MICALL2: variants seen among roughly 807,000 people sequenced by gnomAD.
MICALL2 encodes MICAL like 2.
A neutral mutation model predicts 91.1 loss-of-function variants in MICALL2; 111 were observed. The ratio of observed to expected loss-of-function variants is 1.22; its 90% CI spans 1.04 to 1.43. The LOEUF (loss-of-function observed/expected upper bound fraction) is 1.43, where lower values mean the gene tolerates loss of function less well. Ranked by LOEUF, MICALL2 falls within the 40% of genes most tolerant of loss-of-function variation. The pLI is 0.00. For missense variants in MICALL2, 1,556 were observed against 1,236.0 expected, an observed-to-expected ratio of 1.26 and a Z score of -3.88; for synonymous variants, 694 against 525.3, an observed-to-expected ratio of 1.32 and a Z score of -4.39.
At chr7:1,438,071 G>A (rs917538494) in intron 12 of MICALL2, 26 bp downstream of exon 12, 3 of 1,569,712 alleles carry the variant, frequency 1.9e-6, no homozygotes, top group Non-Finnish European at 2.6e-6. Flanking sequence ...AGTCGGGCTG[G>A]CCCAGGGCCA....
At chr7:1,434,905 T>C (rs977743008) in intron 16 of MICALL2, 196 bp downstream of exon 16, 13 of 725,952 alleles carry the variant, frequency 1.8e-5, no homozygotes, top group South Asian at 5.4e-5. Context: ...CCTGGCTCTC[T>C]TAGGGGCGGG....
intron 5 of MICALL2, 190 bp downstream of exon 5, chr7:1,446,523 A>C: frequency 2.0e-6 from 1 of 488,138 alleles, no homozygotes; most frequent in African/African-American, 2.7e-5. Flanking sequence ...GAGAAGAGGG[A>C]GAAGGGGAGG....
At chr7:1,435,818 G>A (rs1445188830) in intron 15 of MICALL2, among the ~76,000 whole-genome samples, 2 of 152,224 alleles carry the variant, frequency 1.3e-5, no homozygotes, top group East Asian at 1.9e-4. Flanking sequence ...ACTTTGGGAG[G>A]CTGAGGCGGG....
intron 1 of MICALL2, among the ~76,000 whole-genome samples, chr7:1,457,515 G>A (rs1379629037): frequency 1.3e-5 from 2 of 152,230 alleles, no homozygotes; most frequent in African/African-American, 2.4e-5. Flanking sequence ...CCCTGCATCT[G>A]GAGGCTGAGG....
In MICALL2 at chr7:1,444,952, G is replaced by T; in HGVS notation, c.1118C>A (p.Pro373Gln). 6.6e-7 allele frequency: 1 copy of T among 1,510,858 alleles called. No homozygotes were observed. The highest frequency in any genetic ancestry group is 8.8e-7 in the Non-Finnish European group (1 of 1,130,722). The allele number at this position is 1,510,858 out of a possible 1,614,324, so 93.6% of individuals were successfully genotyped here. A position where few individuals can be genotyped will look rare whatever the true frequency, so the allele number is the denominator to read the frequency against. The change falls in exon 6 of 17, where the codon CCG (proline) becomes CAG (glutamine). Residue 373 changes from proline to glutamine, a missense_variant. Transcript: ENST00000297508. ...AVPPSAPDPR[P>Q]ATPQGGGAPR... Reference sequence around the variant, plus strand: ...GGCTCCCCCACCCTGGGGTGTGGCCGGGCGAGGGTCTGGGGCACTCGGGGG... The same window carrying T: ...GGCTCCCCCACCCTGGGGTGTGGCCTGGCGAGGGTCTGGGGCACTCGGGGG...
At chr7:1,443,548 C>A (rs924769052) in intron 6 of MICALL2, among the ~76,000 whole-genome samples, 1 of 152,216 alleles carries the variant, frequency 6.6e-6, no homozygotes, top group Non-Finnish European at 1.5e-5. Context: ...ACCATCTTGG[C>A]AGTTATGATC....
At chr7:1,438,531 T>TCCAGGC (rs1006839437) in intron 10 of MICALL2, 178 bp from the exon 11 acceptor site, 5 of 1,433,008 alleles carry the variant, frequency 3.5e-6, no homozygotes, top group Non-Finnish European at 4.6e-6. Flanking sequence ...CTGAGTGGCC[T>TCCAGGC]CCAGGCCCAG....
intron 1 of MICALL2, among the ~76,000 whole-genome samples, chr7:1,455,085 C>T (rs537387543): frequency 2.0e-5 from 3 of 152,356 alleles, no homozygotes; most frequent in South Asian, 2.1e-4. Flanking sequence ...TGTTCTCCCA[C>T]CTGCTGGACG....
At chr7:1,447,201 G>A (rs1223277684) in intron 4 of MICALL2, among the ~76,000 whole-genome samples, 2 of 152,148 alleles carry the variant, frequency 1.3e-5, no homozygotes, top group Admixed American at 1.3e-4. Context: ...TTTGCCCACC[G>A]CCTTCCACCC....
intron 6 of MICALL2, among the ~76,000 whole-genome samples, chr7:1,444,254 C>T (rs1459152045): frequency 1.4e-5 from 2 of 144,418 alleles, no homozygotes; most frequent in African/African-American, 2.7e-5. Flanking sequence ...GCGTGGGTCC[C>T]GCTCGCGGCC....
intron 13 of MICALL2, 127 bp downstream of exon 13, chr7:1,437,763 G>A (rs1780045601): frequency 4.9e-6 from 6 of 1,214,058 alleles, no homozygotes; most frequent in East Asian, 2.6e-5. Flanking sequence ...AGACCGCAAC[G>A]AGGTCCTGGA....
chr7:1,434,824 C>A, intron 16 of MICALL2, 152 bp from the exon 17 acceptor site: 1 of 837,404 alleles, frequency 1.2e-6, no homozygotes, highest in Non-Finnish European at 1.8e-6. Flanking sequence ...TGCCCTCCCA[C>A]GTGAGAACCT....
At chr7:1,459,089 TCCCCATC>T in intron 1 of MICALL2, 88 bp downstream of exon 1, 2 of 1,327,504 alleles carry the variant, frequency 1.5e-6, no homozygotes, top group Non-Finnish European at 2.1e-6. Flanking sequence ...ACGCCTCGGC[TCCCCATC>T]CCCCAGCCGC....
chr7:1,445,055 G>T lies in MICALL2; in HGVS notation c.1015C>A (p.Arg339Ser), dbSNP rs114247987. The T allele has an allele frequency of 1.9e-6, 3 of 1,546,912 alleles. No individual in the cohort carries two copies. The highest frequency in any genetic ancestry group is 2.6e-6 in the Non-Finnish European group (3 of 1,145,678). The part of the protein sequence containing the change: ...PTPTEGKVRP[R>S]VTNSSPMGWS... The stretch of plus-strand genomic sequence containing the variant: ...CCCATCGGGGAGCTATTGGTCACAC[G>T]AGGGCGGACTTTCCCCTCCGTGGGA... The change falls in exon 6 of 17, where the codon CGT becomes AGT. Residue 339 changes from arginine to serine, a missense_variant. Physicochemically the swap from Arg to Ser is moderately radical, Grantham distance 110. Coordinates refer to ENST00000297508, the MANE Select transcript of MICALL2 (RefSeq NM_182924.4).
Position 1,448,766 on chromosome 7 carries a change from G to A in MICALL2, c.193-5C>T, listed in dbSNP as rs1489059610. 8 of 1,612,396 alleles carry A rather than the reference G, an allele frequency of 5.0e-6. No homozygotes were observed. The highest frequency in any genetic ancestry group is 4.4e-5 in the South Asian group (4 of 91,050). On this transcript the variant is annotated splice_region_variant and splice_polypyrimidine_tract_variant and intron_variant, in intron 2 of 16. Transcript: ENST00000297508. ...CTCCTCGGCCACGCGGAAGGCCTGC[G>A]AAAGGTGGGAGGGGGTCAGCGGGGC...
At chr7:1,441,069 G>A (rs538047154) in intron 7 of MICALL2, 11 of 247,604 alleles carry the variant, frequency 4.4e-5, no homozygotes, top group Non-Finnish European at 5.7e-5. Context: ...GATCCAGCGC[G>A]TGGCTTTAAC....
Position 1,444,897 on chromosome 7 carries a change from G to C in MICALL2, c.1173C>G (p.Leu391=), listed in dbSNP as rs756850551. 2 of 1,572,820 alleles carry C rather than the reference G, an allele frequency of 1.3e-6. No individual in the cohort carries two copies. The highest frequency in any genetic ancestry group is 1.1e-5 in the South Asian group (1 of 87,426). ...TGGCTGCAGATGTGGAGCTTGAACT[G>C]AGTGTGGTTTGAGGAGCTGCCACTC... ...APRVAAPQTT[L]SSSSTSAATV... The change falls in exon 6 of 17, where the codon CTC becomes CTG. Residue 391 remains leucine (L), a synonymous_variant. Coordinates refer to ENST00000297508, the MANE Select transcript of MICALL2 (RefSeq NM_182924.4).
chr7:1,459,251 T>A lies in MICALL2; in HGVS notation c.76A>T (p.Met26Leu), dbSNP rs1781127066. ...EGYRDVNICN[M>L]TTSFRDGLAF... ...AGGCCGTCGCGGAACGACGTGGTCA[T>A]GTTGCAGATATTCACGTCGCGGTAG... Residue 26 changes from methionine to leucine, a missense_variant, in exon 1 of 17, where the codon ATG (methionine) becomes TTG (leucine). Met to Leu is a conservative substitution (Grantham distance 15, BLOSUM62 2). Coordinates refer to ENST00000297508, the MANE Select transcript of MICALL2 (RefSeq NM_182924.4). 1 of 1,610,962 alleles carries A rather than the reference T, an allele frequency of 6.2e-7. No homozygotes were observed. The highest frequency in any genetic ancestry group is 2.2e-5 in the East Asian group (1 of 44,742).
chr7:1,454,824 C>T (rs1439503670), intron 1 of MICALL2, among the ~76,000 whole-genome samples: 6 of 152,266 alleles, frequency 3.9e-5, no homozygotes, highest in African/African-American at 7.2e-5. Flanking sequence ...AGTGGTGTCT[C>T]GGGGAGCCCC....
Sources: allele counts gnomAD v4.1 joint callset (sites outside exome capture counted in the v4.1 genomes callset), GRCh38; gene constraint gnomAD v4.1.1; transcripts MANE v1.5; gene names NCBI Gene and HGNC (gene_info 2026-07-23, HGNC 2026-07-21).